Variants in ANKRD29 observed in about 807,000 individuals in gnomAD.
ANKRD29 encodes the protein ankyrin repeat domain 29, also known as ankyrin repeat domain-containing protein 29.
ANKRD29 carries 32 observed loss-of-function variants against 38.0 expected under a neutral mutation model. The observed-to-expected ratio is 0.84, with a 90% CI of 0.64 to 1.13. The LOEUF (loss-of-function observed/expected upper bound fraction) is 1.13. ANKRD29 is among the 50% of genes most tolerant of loss of function. The pLI, the probability that ANKRD29 is intolerant of heterozygous loss-of-function variation, is 0.00. For synonymous variants in ANKRD29, 135 were observed against 152.4 expected, an observed-to-expected ratio of 0.89 and a Z score of 0.84; for missense variants, 357 against 377.9, an observed-to-expected ratio of 0.94 and a Z score of 0.46.
At chr18:23,606,765 G>A (rs1344762883) in intron 9 of ANKRD29, among the ~76,000 whole-genome samples, 1 of 152,188 alleles carries the variant, frequency 6.6e-6, no homozygotes, top group Admixed American at 6.5e-5. Context: ...TCAGGAGGCT[G>A]AGGCAGGAGT....
At position 23,649,105 on chromosome 18, in the gene ANKRD29, A is replaced by C. The variant is rs1217237158; in HGVS notation, c.110T>G (p.Val37Gly). 6.2e-7 allele frequency: 1 copy of C among 1,613,900 alleles called. No homozygotes were observed. Among genetic ancestry groups the C allele is most frequent in the Non-Finnish European group, 8.5e-7 (1 of 1,179,970 alleles). Reference sequence around the variant, plus strand: ...TACGCTGTCTCTGCAGTCCACGTCCACCCGGCCGCTGTTCAACAGCAGCTT... The same window carrying C: ...TACGCTGTCTCTGCAGTCCACGTCCCCCCGGCCGCTGTTCAACAGCAGCTT... ...LLKLLLNSGR[V>G]DVDCRDSHGT... Residue 37 changes from valine (V) to glycine (G), a missense_variant, in exon 2 of 10, where the codon GTG (valine) becomes GGG (glycine). By Grantham distance (109) the Val-to-Gly change is moderately radical (BLOSUM62 -3). Coordinates refer to ENST00000592179, the MANE Select transcript of ANKRD29 (RefSeq NM_173505.4).
intron 7 of ANKRD29, 26 bp from the exon 8 acceptor site, chr18:23,617,853 T>TTAATA (rs755151420): frequency 6.3e-7 from 1 of 1,591,872 alleles, no homozygotes; most frequent in Non-Finnish European, 8.6e-7. Flanking sequence ...AAAATAAAAG[T>TTAATA]TGATTATTAA....
chr18:23,603,471 A>G (rs1483585999), intron 9 of ANKRD29, among the ~76,000 whole-genome samples: 1 of 152,224 alleles, frequency 6.6e-6, no homozygotes, highest in Non-Finnish European at 1.5e-5. Flanking sequence ...TGTCTCCACT[A>G]AAAATACAAA....
chr18:23,603,605 C>A (rs1054454589), intron 9 of ANKRD29, among the ~76,000 whole-genome samples: 2 of 152,138 alleles, frequency 1.3e-5, no homozygotes, highest in Non-Finnish European at 2.9e-5. Context: ...TGCACTCCAG[C>A]CTGAGTGATA....
chr18:23,619,967 T>C, intron 6 of ANKRD29: 1 of 287,344 alleles, frequency 3.5e-6, no homozygotes, highest in Non-Finnish European at 6.5e-6. Context: ...GAACCTTGCT[T>C]TGAAGGCTTG....
At chr18:23,657,537 A>G (rs1270711244) in intron 1 of ANKRD29, among the ~76,000 whole-genome samples, 2 of 152,208 alleles carry the variant, frequency 1.3e-5, no homozygotes, top group African/African-American at 4.8e-5. Context: ...TTGCACAACC[A>G]TCACCACTAT....
At chr18:23,662,622 A>AAC (rs2145749614) in intron 1 of ANKRD29, 88 bp downstream of exon 1, 5 of 65,710 alleles carry the variant, frequency 7.6e-5, no homozygotes, top group Admixed American at 2.7e-4. Context: ...CGCCCACCCC[A>AAC]TCCCACCCCA....
In ANKRD29 at chr18:23,662,820, T is replaced by C. The variant is rs1056724156; in HGVS notation, c.-90A>G. ...CTTCACTCTCCCGGGGCTCTCGGCG[T>C]TCCGCAGAGGGGCGGCCTCCGACGC... On this transcript the variant is annotated 5_prime_UTR_variant, in exon 1 of 10. Coordinates refer to ENST00000592179, the MANE Select transcript of ANKRD29 (RefSeq NM_173505.4). 1.7e-6 allele frequency: 2 copies of C among 1,178,636 alleles called. No individual in the cohort carries two copies. Among genetic ancestry groups the C allele is most frequent in the Admixed American group, 8.8e-5 (2 of 22,648 alleles). The allele number at this position is 1,178,636 out of a possible 1,614,324, so 73.0% of individuals were successfully genotyped here.
At chr18:23,651,705 C>A (rs73967130) in intron 1 of ANKRD29, among the ~76,000 whole-genome samples, 1 of 152,104 alleles carries the variant, frequency 6.6e-6, no homozygotes, top group African/African-American at 2.4e-5. Flanking sequence ...GATCTCTAGT[C>A]GGGGCCTCTC....
chr18:23,623,686 A>G lies in ANKRD29; in HGVS notation c.529-4057T>C, dbSNP rs560673324. Among the ~76,000 whole-genome samples, 4 of 151,782 alleles carry G rather than the reference A, an allele frequency of 2.6e-5. No individual in the cohort carries two copies. In the South Asian group the frequency reaches 8.3e-4, roughly 32 times the overall value. On this transcript the variant is annotated intron_variant, in intron 6 of 9. Coordinates refer to ENST00000592179, the MANE Select transcript of ANKRD29 (RefSeq NM_173505.4). ...GAGACGGAGTCTTGCTCTGTCGCCC[A>G]GGCTGGAGTGCAGTGGCACAATCTT... is the stretch of plus-strand genomic sequence containing the variant.
At chr18:23,614,413 G>T (rs1210607156) in intron 8 of ANKRD29, among the ~76,000 whole-genome samples, 2 of 152,104 alleles carry the variant, frequency 1.3e-5, no homozygotes, top group Admixed American at 1.3e-4. Flanking sequence ...ACTATATTTT[G>T]CAAAGTCCAA....
intron 9 of ANKRD29, among the ~76,000 whole-genome samples, chr18:23,611,792 T>C (rs1599065347): frequency 6.6e-6 from 1 of 151,872 alleles, no homozygotes; most frequent in Non-Finnish European, 1.5e-5. Context: ...TGGGTCAGGG[T>C]TTCGTACATA....
At chr18:23,649,545 C>G (rs1051068998) in intron 1 of ANKRD29, 1 of 506,278 alleles carries the variant, frequency 2.0e-6, no homozygotes, top group Non-Finnish European at 3.8e-6. Context: ...AGGCTCTGCT[C>G]GAATGCTATT....
In ANKRD29 at chr18:23,638,875, C is replaced by T; in HGVS notation, c.304G>A (p.Gly102Arg). 2 of 1,612,134 alleles carry T rather than the reference C, an allele frequency of 1.2e-6. No individual in the cohort carries two copies. The highest frequency in any genetic ancestry group is 1.7e-6 in the Non-Finnish European group (2 of 1,179,516). The stretch of plus-strand genomic sequence containing the variant: ...TTGGTCCTAAATTCAGTGGATGCTC[C>T]AAATCCAAAGAGAAATCTCACGACA... ...NDVVRFLFGF[G>R]ASTEFRTKDG... The change falls in exon 4 of 10, where the codon GGA (glycine) becomes AGA (arginine). Residue 102 changes from glycine to arginine, a missense_variant. By Grantham distance (125) the Gly-to-Arg change is moderately radical. Transcript: ENST00000592179.
chr18:23,612,760 A>G (rs146413613), intron 8 of ANKRD29, among the ~76,000 whole-genome samples: 50 of 152,284 alleles, frequency 3.3e-4, no homozygotes, highest in African/African-American at 1.2e-3. Context: ...TGAGCACAGA[A>G]GGGCCTCATA....
chr18:23,607,712 A>G (rs1356180833), intron 9 of ANKRD29, among the ~76,000 whole-genome samples: 1 of 152,192 alleles, frequency 6.6e-6, no homozygotes, highest in Non-Finnish European at 1.5e-5. Context: ...GAGATTGTAC[A>G]GATTGATGTG....
In ANKRD29 at chr18:23,628,833, C is replaced by CA. The variant is rs60035025; in HGVS notation, c.528+1019dup. ...TGGATGACAGAGCAAGACGCTGTCTCAAAAAAAAAAAAAAAAAAAGTTAAT... is the reference window on the plus strand; with the variant it reads ...TGGATGACAGAGCAAGACGCTGTCTCAAAAAAAAAAAAAAAAAAAAGTTAAT... On this transcript the variant is annotated intron_variant, in intron 6 of 9. Transcript: ENST00000592179. 2.8e-3 allele frequency among the ~76,000 whole-genome samples: 356 copies of CA among 128,974 alleles called. 1 individual carries two copies. Among genetic ancestry groups the CA allele is most frequent in the East Asian group, 0.013 (53 of 3,980 alleles). 84.6% of individuals were successfully genotyped at this position (128,974 alleles called of 152,430 possible). A position where few individuals can be genotyped will look rare whatever the true frequency, so the allele number is the denominator to read the frequency against.
chr18:23,662,477 T>C (rs2145749158), intron 1 of ANKRD29, among the ~76,000 whole-genome samples: 1 of 152,184 alleles, frequency 6.6e-6, no homozygotes, highest in Admixed American at 6.5e-5. Flanking sequence ...TCCACAGCCA[T>C]GAGTGCGAAG....
At chr18:23,660,799 C>T (rs371750242) in intron 1 of ANKRD29, among the ~76,000 whole-genome samples, 1 of 152,226 alleles carries the variant, frequency 6.6e-6, no homozygotes, top group South Asian at 2.1e-4. Context: ...AAGAGCAAGA[C>T]TTTGTCCAAA....
Sources: allele counts gnomAD v4.1 joint callset (sites outside exome capture counted in the v4.1 genomes callset), GRCh38; gene constraint gnomAD v4.1.1; transcripts MANE v1.5; gene names NCBI Gene and HGNC (gene_info 2026-07-23, HGNC 2026-07-21).